The following GTF3C1 variants were observed in gnomAD, a reference collection of about 807,000 sequenced individuals.
GTF3C1 encodes the protein general transcription factor 3C polypeptide 1.
In GTF3C1, 57 loss-of-function variants were observed where a neutral mutation model predicts 226.7. The ratio of observed to expected loss-of-function variants is 0.25; its 90% CI spans 0.20 to 0.31. The LOEUF is 0.31. Ranked by LOEUF, GTF3C1 falls within the 10% of genes least tolerant of loss-of-function variation. GTF3C1 has a pLI of 1.00. For synonymous variants in GTF3C1, 1,090 were observed against 1,084.8 expected, an observed-to-expected ratio of 1.00 and a Z score of -0.09; for missense variants, 2,217 against 2,776.1, an observed-to-expected ratio of 0.80 and a Z score of 4.53.
chr16:27,492,313 T>G lies in GTF3C1; in HGVS notation c.3151+25A>C. The stretch of plus-strand genomic sequence containing the variant: ...ACAGAAAGGAGCAAAAGCAGCCAGG[T>G]TCAGCCGAGACAGCCGACACCCACC... On this transcript the variant is annotated intron_variant, in intron 19 of 36. Transcript: ENST00000356183. This position sits in a 1 kb window ranked among gnomAD's most constrained non-coding sequence, Gnocchi z 5.0. 1 of 1,455,294 alleles carries G rather than the reference T, an allele frequency of 6.9e-7. No homozygotes were observed. The highest frequency in any genetic ancestry group is 9.5e-7 in the Non-Finnish European group (1 of 1,053,152). The allele number at this position is 1,455,294 out of a possible 1,614,324, so 90.1% of individuals were successfully genotyped here.
chr16:27,523,233 C>T (rs2088777867), intron 6 of GTF3C1, among the ~76,000 whole-genome samples: 1 of 152,130 alleles, frequency 6.6e-6, no homozygotes, highest in Non-Finnish European at 1.5e-5. Context: ...GAAAATAATC[C>T]AAATTTGCAA....
chr16:27,465,500 G>GT lies in GTF3C1; in HGVS notation c.5114_5115insA (p.Asp1707Ter). 6.2e-7 allele frequency: 1 copy of GT among 1,603,224 alleles called. No homozygotes were observed. The highest frequency in any genetic ancestry group is 8.5e-7 in the Non-Finnish European group (1 of 1,179,686). On this transcript the variant is annotated frameshift_variant, in exon 33 of 37. Coordinates refer to ENST00000356183, the MANE Select transcript of GTF3C1 (RefSeq NM_001520.4). LOFTEE classifies it high-confidence loss of function. Reference sequence around the variant, plus strand: ...TTATCAGCTTGGTGAACGTATCAGGGAGGCAGGAGGTTCCCATTGTTAGCT... The same window carrying GT: ...TTATCAGCTTGGTGAACGTATCAGGGTAGGCAGGAGGTTCCCATTGTTAGCT...
intron 33 of GTF3C1, 23 bp from the exon 34 acceptor site, chr16:27,464,859 G>T (rs375324231): frequency 4.0e-6 from 6 of 1,490,808 alleles, no homozygotes; most frequent in Admixed American, 2.4e-5. Flanking sequence ...GAGACACGCG[G>T]GGTCTGTGGG....
rs1307557639 is a variant in GTF3C1 at position 27,469,282 on chromosome 16, A to G, written c.5074+9T>C. The G allele has an allele frequency of 6.5e-7, 1 of 1,549,880 alleles. No homozygotes were observed. Among genetic ancestry groups the G allele is most frequent in the Non-Finnish European group, 8.7e-7 (1 of 1,144,498 alleles). ...CAGGCCCTCCCACAGCACCAGCAGGAGCACTCACCAGCGGGCCTGAGCCGG... is the reference window on the plus strand; with the variant it reads ...CAGGCCCTCCCACAGCACCAGCAGGGGCACTCACCAGCGGGCCTGAGCCGG... On this transcript the variant is annotated intron_variant, in intron 32 of 36. Coordinates refer to ENST00000356183, the MANE Select transcript of GTF3C1 (RefSeq NM_001520.4). The surrounding 1 kb of genome is among the most constrained non-coding windows in gnomAD (Gnocchi z 4.5).
At chr16:27,538,092 G>A in intron 3 of GTF3C1, 88 bp downstream of exon 3, 2 of 1,240,942 alleles carry the variant, frequency 1.6e-6, no homozygotes, top group Non-Finnish European at 1.1e-6. Flanking sequence ...CCATGCCTCA[G>A]GGAAGATACC....
intron 2 of GTF3C1, among the ~76,000 whole-genome samples, chr16:27,544,462 G>C (rs2089135021): frequency 1.3e-5 from 2 of 151,906 alleles, no homozygotes; most frequent in African/African-American, 4.8e-5. Flanking sequence ...AGGGAGCTGG[G>C]CTGGGGGAGG....
At chr16:27,497,917 G>A (rs1435928409) in intron 13 of GTF3C1, 96 bp from the exon 14 acceptor site, 1 of 1,004,410 alleles carries the variant, frequency 1.0e-6, no homozygotes, top group Middle Eastern at 2.4e-4. Context: ...CAGCCTCTTG[G>A]CCTGGGGGTT....
intron 2 of GTF3C1, among the ~76,000 whole-genome samples, chr16:27,543,032 C>G (rs1034538726): frequency 2.0e-5 from 3 of 152,184 alleles, no homozygotes; most frequent in African/African-American, 4.8e-5. Context: ...ATTGGAATAA[C>G]ACATATGCCG....
At chr16:27,517,371 G>A (rs547782459) in intron 6 of GTF3C1, among the ~76,000 whole-genome samples, 1 of 152,320 alleles carries the variant, frequency 6.6e-6, no homozygotes, top group South Asian at 2.1e-4. Flanking sequence ...CAGGGGCAGA[G>A]CAAGACCCGA....
intron 17 of GTF3C1, 130 bp downstream of exon 17, chr16:27,493,068 TA>T (rs2088257187): frequency 3.2e-6 from 2 of 618,568 alleles, no homozygotes; most frequent in Admixed American, 5.6e-5. Context: ...AATAACTTAA[TA>T]AAAATCTTGA....
chr16:27,538,971 T>TACACACAC (rs59679436), intron 2 of GTF3C1, among the ~76,000 whole-genome samples: 1 of 124,588 alleles, frequency 8.0e-6, no homozygotes, highest in African/African-American at 3.2e-5. Flanking sequence ...TACACACATA[T>TACACACAC]ACACACACAC....
At chr16:27,526,692 CATCACCAG>C (rs1268662143) in intron 6 of GTF3C1, among the ~76,000 whole-genome samples, 1 of 152,228 alleles carries the variant, frequency 6.6e-6, no homozygotes, top group East Asian at 1.9e-4. Context: ...ACCCAAATGT[CATCACCAG>C]CTCTCCCTTT....
rs2088578356 is a variant in GTF3C1 at position 27,511,898 on chromosome 16, G to GT, written c.976dup (p.Thr326AsnfsTer15). The GT allele has an allele frequency of 6.2e-7, 1 of 1,613,790 alleles. No homozygotes were observed. Among genetic ancestry groups the GT allele is most frequent in the Non-Finnish European group, 8.5e-7 (1 of 1,180,026 alleles). On this transcript the variant is annotated frameshift_variant, in exon 7 of 37. Coordinates refer to ENST00000356183, the MANE Select transcript of GTF3C1 (RefSeq NM_001520.4). LOFTEE classifies it high-confidence loss of function. ...CTTGAGGCACCGAACCATGACGTCG[G>GT]TCCCTGGCAACACAAGCACGGGTTT... is the stretch of plus-strand genomic sequence containing the variant.
intron 1 of GTF3C1, among the ~76,000 whole-genome samples, chr16:27,548,579 T>C (rs2382868): frequency 0.027 from 4,124 of 152,276 alleles, 96 homozygotes; most frequent in Non-Finnish European, 0.041. Flanking sequence ...TTGGACATTA[T>C]TACCTCTTGG....
At chr16:27,541,722 G>T in intron 2 of GTF3C1, among the ~76,000 whole-genome samples, 1 of 152,162 alleles carries the variant, frequency 6.6e-6, no homozygotes, top group Non-Finnish European at 1.5e-5. Flanking sequence ...GAGACAAAAA[G>T]GAGCCCAGCA....
chr16:27,461,676 AG>A lies in GTF3C1; in HGVS notation c.6118-115del. 1.3e-6 allele frequency: 1 copy of A among 766,498 alleles called. No individual in the cohort carries two copies. 47.5% of individuals were successfully genotyped at this position (766,498 alleles called of 1,614,324 possible). ...GTACCAGGGAGCCACTTCCCAGAGCAGGGGGCACCTGAACTGGGCATGAGGC... is the reference window on the plus strand; with the variant it reads ...GTACCAGGGAGCCACTTCCCAGAGCAGGGGCACCTGAACTGGGCATGAGGC... On this transcript the variant is annotated intron_variant, in intron 36 of 36. Transcript: ENST00000356183. The surrounding 1 kb of genome is among the most constrained non-coding windows in gnomAD (Gnocchi z 5.3).
Position 27,511,919 on chromosome 16 carries a change from G to A in GTF3C1, c.974-18C>T, listed in dbSNP as rs769265051. 3 of 1,613,150 alleles carry A rather than the reference G, an allele frequency of 1.9e-6. No individual in the cohort carries two copies. The highest frequency in any genetic ancestry group is 4.5e-5 in the East Asian group (2 of 44,896). On this transcript the variant is annotated intron_variant, in intron 6 of 36. Transcript: ENST00000356183. ...GTCGGTCCCTGGCAACACAAGCACG[G>A]GTTTGCCAGCAATGAGTGAAAGCAG...
Position 27,476,470 on chromosome 16 carries a change from T to G in GTF3C1, c.4334A>C (p.Lys1445Thr), listed in dbSNP as rs2087951816. The change falls in exon 29 of 37, where the codon AAG (lysine) becomes ACG (threonine). Residue 1445 changes from lysine (K) to threonine (T), a missense_variant. Around this residue, in one of 12 missense-constraint regions of GTF3C1, gnomAD observed 546 missense variants for 663.0 expected, o/e 0.82. Transcript: ENST00000356183. Reference protein sequence around the residue: ...STLALSDSQMKSYQSFQTFRL... With the variant: ...STLALSDSQMTSYQSFQTFRL... ...ACCCACCTGGAATGACTGGTAGGAC[T>G]TCATCTGACTGTCTGAGAGGGCCAG... The G allele has an allele frequency of 6.2e-7, 1 of 1,611,490 alleles. No homozygotes were observed. Among genetic ancestry groups the G allele is most frequent in the Non-Finnish European group, 8.5e-7 (1 of 1,177,640 alleles).
rs2088080678 is a variant in GTF3C1, at chr16:27,483,064, C to T, written c.4063G>A (p.Gly1355Ser). The T allele has an allele frequency of 1.2e-6, 2 of 1,614,216 alleles. No homozygotes were observed. The highest frequency in any genetic ancestry group is 1.3e-5 in the African/African-American group (1 of 75,056). Reference protein sequence around the residue: ...ALVGDFMNRRGDYDDPKVCAN... With the variant: ...ALVGDFMNRRSDYDDPKVCAN... ...CCTACCTTTGGGTCATCATAGTCAC[C>T]TCTTCGATTCATGAAATCTCCAACA... is the stretch of plus-strand genomic sequence containing the variant. The change falls in exon 26 of 37, where the codon GGT becomes AGT. Residue 1355 changes from glycine (G) to serine (S), a missense_variant. Coordinates refer to ENST00000356183, the MANE Select transcript of GTF3C1 (RefSeq NM_001520.4).
Sources: gnomAD v4.1 joint callset for allele counts (sites outside exome capture counted in the v4.1 genomes callset) on GRCh38, gnomAD v4.1.1 for gene constraint, gnomAD v4.1.1 regional missense constraint, Gnocchi (gnomAD v3.1) non-coding constraint, MANE v1.5 for transcripts, NCBI Gene and HGNC (gene_info 2026-07-23, HGNC 2026-07-21) for gene names.